Variants in LUZP2 observed in about 807,000 individuals in gnomAD.
LUZP2 encodes the protein leucine zipper protein 2.
In LUZP2, 52 loss-of-function variants were observed where a neutral mutation model predicts 51.6. The ratio of observed to expected loss-of-function variants is 1.01; its 90% CI spans 0.81 to 1.27. The LOEUF is 1.27. LUZP2 is among the 50% of genes most tolerant of loss of function. The pLI is 0.00. For missense variants in LUZP2, 436 were observed against 395.4 expected (o/e 1.10, Z -0.87); for synonymous variants, 154 against 137.3 (o/e 1.12, Z -0.85).
chr11:24,766,162 C>G (rs975201754), intron 5 of LUZP2, among the ~76,000 whole-genome samples: 1 of 152,246 alleles, frequency 6.6e-6, no homozygotes, highest in South Asian at 2.1e-4. Flanking sequence ...TATGACTTAA[C>G]AAAAGCTCTA....
At chr11:24,641,004 GATATAGATATAT>G (rs1371307913) in intron 1 of LUZP2, among the ~76,000 whole-genome samples, 6 of 100,200 alleles carry the variant, frequency 6.0e-5, no homozygotes, top group South Asian at 3.3e-4. Context: ...TATAGATATA[GATATAGATATAT>G]ATTTCACTTG....
chr11:24,590,351 T>A lies in LUZP2; in HGVS notation c.62+93046T>A, dbSNP rs1016500751. ...TTGATGTCTTTGTGCATATCTGTGT[T>A]GTATAATAATCTAATCAGGGTAGTT... On this transcript the variant is annotated intron_variant, in intron 1 of 11. Transcript: ENST00000336930. 5.3e-5 allele frequency among the ~76,000 whole-genome samples: 8 copies of A among 152,326 alleles called. No individual in the cohort carries two copies. In the East Asian group the frequency reaches 1.5e-3, roughly 29 times the overall value.
At chr11:24,857,748 C>T (rs1851614998) in intron 5 of LUZP2, among the ~76,000 whole-genome samples, 1 of 151,838 alleles carries the variant, frequency 6.6e-6, no homozygotes, top group East Asian at 1.9e-4. Context: ...TCTTTTAAAG[C>T]CATTTTAGCA....
chr11:24,598,133 A>G (rs1409703779), intron 1 of LUZP2, among the ~76,000 whole-genome samples: 4 of 151,898 alleles, frequency 2.6e-5, no homozygotes, highest in African/African-American at 9.6e-5. Context: ...GACATTTATT[A>G]AGCACCTGCT....
chr11:25,007,657 C>T (rs1856870871), intron 9 of LUZP2, among the ~76,000 whole-genome samples: 1 of 152,010 alleles, frequency 6.6e-6, no homozygotes, highest in African/African-American at 2.4e-5. Flanking sequence ...ATGGTGAATC[C>T]AGGGTGTGAA....
intron 1 of LUZP2, among the ~76,000 whole-genome samples, chr11:24,548,299 C>T (rs772434155): frequency 6.6e-6 from 1 of 152,016 alleles, no homozygotes; most frequent in Non-Finnish European, 1.5e-5. Flanking sequence ...TGGAGTAAAC[C>T]TAAGTGCCTA....
chr11:24,638,016 A>C (rs1590277645), intron 1 of LUZP2, among the ~76,000 whole-genome samples: 1 of 151,740 alleles, frequency 6.6e-6, no homozygotes, highest in African/African-American at 2.4e-5. Context: ...CCCAGCTATA[A>C]AATTTCTCTC....
intron 1 of LUZP2, among the ~76,000 whole-genome samples, chr11:24,584,727 C>A (rs1265376471): frequency 2.0e-5 from 3 of 152,154 alleles, no homozygotes; most frequent in Admixed American, 6.5e-5. Flanking sequence ...ACCCTCCAGC[C>A]TGCAATTACA....
At chr11:24,617,220 T>A (rs1222033850) in intron 1 of LUZP2, among the ~76,000 whole-genome samples, 1 of 152,160 alleles carries the variant, frequency 6.6e-6, no homozygotes, top group Non-Finnish European at 1.5e-5. Flanking sequence ...CACTGATTTT[T>A]TTTTTCCCTC....
Position 24,569,554 on chromosome 11 carries a change from C to G in LUZP2, c.62+72249C>G, listed in dbSNP as rs145114637. Among the ~76,000 whole-genome samples the G allele has an allele frequency of 2.0e-4, 30 of 152,098 alleles. 1 individual carries two copies. In the East Asian group the frequency reaches 5.8e-3, roughly 29 times the overall value. On this transcript the variant is annotated intron_variant, in intron 1 of 11. Transcript: ENST00000336930. ...TATACAATTCTCTTTCATCAGATAA[C>G]TCACTTCTCTACATGCCAATGAAAA...
chr11:24,602,197 T>TATATATATGCAA, intron 1 of LUZP2, among the ~76,000 whole-genome samples: 1 of 71,888 alleles, frequency 1.4e-5, no homozygotes, highest in African/African-American at 4.7e-5. Context: ...TGTATATATG[T>TATATATATGCAA]ACATATATGT....
chr11:24,814,767 T>C (rs1463862179), intron 5 of LUZP2, among the ~76,000 whole-genome samples: 1 of 151,960 alleles, frequency 6.6e-6, no homozygotes, highest in Non-Finnish European at 1.5e-5. Context: ...CCAAGGCGGG[T>C]GGATCACGAG....
intron 5 of LUZP2, chr11:24,892,580 C>A: frequency 2.5e-6 from 1 of 401,498 alleles, no homozygotes; most frequent in Non-Finnish European, 3.4e-6. Context: ...TATGCTATTT[C>A]TAGTCAAGTG....
In LUZP2 at chr11:24,936,330, T is replaced by C. The variant is rs1854585790; in HGVS notation, c.522+21792T>C. ...AAAAGATTTATGGTACCTTAGCCCC[T>C]ACCGTTGTCATTTGGACATAACAAA... On this transcript the variant is annotated intron_variant, in intron 7 of 11. Transcript: ENST00000336930. Among the ~76,000 whole-genome samples the C allele has an allele frequency of 2.6e-5, 4 of 152,192 alleles. No individual in the cohort carries two copies. In the South Asian group the frequency reaches 8.3e-4, roughly 32 times the overall value.
intron 7 of LUZP2, among the ~76,000 whole-genome samples, chr11:24,961,506 C>T (rs1435278588): frequency 6.6e-6 from 1 of 152,028 alleles, no homozygotes; most frequent in East Asian, 1.9e-4. Context: ...ATGTAATGGC[C>T]TTCTTTGTCT....
intron 5 of LUZP2, among the ~76,000 whole-genome samples, chr11:24,888,314 G>A (rs1852735979): frequency 6.6e-6 from 1 of 152,000 alleles, no homozygotes; most frequent in East Asian, 1.9e-4. Context: ...ATTTATGCAT[G>A]ATTTTGTCAT....
At chr11:25,025,854 T>C (rs1857474871) in intron 9 of LUZP2, among the ~76,000 whole-genome samples, 1 of 152,168 alleles carries the variant, frequency 6.6e-6, no homozygotes, top group Non-Finnish European at 1.5e-5. Flanking sequence ...GTATGTTTAT[T>C]GTGGCACTAT....
At chr11:24,946,386 GAT>G (rs1854902073) in intron 7 of LUZP2, among the ~76,000 whole-genome samples, 1 of 151,652 alleles carries the variant, frequency 6.6e-6, no homozygotes, top group Non-Finnish European at 1.5e-5. Context: ...TTTTGTTTCT[GAT>G]ATGTCTCATG....
chr11:24,601,984 A>G lies in LUZP2; in HGVS notation c.62+104679A>G, dbSNP rs1265289811. 4.7e-5 allele frequency among the ~76,000 whole-genome samples: 4 copies of G among 84,682 alleles called. 1 individual carries two copies. Among genetic ancestry groups the G allele is most frequent in the African/African-American group, 1.6e-4 (3 of 18,358 alleles). 55.6% of individuals were successfully genotyped at this position (84,682 alleles called of 152,430 possible). On this transcript the variant is annotated intron_variant, in intron 1 of 11. Transcript: ENST00000336930. ...TATGTATATATGTGTATATGTATAT[A>G]TATGTGTATATATGTATATATATGT...
Sources: allele counts gnomAD v4.1 joint callset (sites outside exome capture counted in the v4.1 genomes callset), GRCh38; gene constraint gnomAD v4.1.1; transcripts MANE v1.5; gene names NCBI Gene and HGNC (gene_info 2026-07-23, HGNC 2026-07-21).